Variants in SEC14L1 observed in about 807,000 individuals in gnomAD.
The protein encoded by SEC14L1 is SEC14 like lipid binding 1.
A neutral mutation model predicts 85.3 loss-of-function variants in SEC14L1; 48 were observed. That is an observed-to-expected ratio of 0.56 (90% CI 0.45 to 0.72). The LOEUF (loss-of-function observed/expected upper bound fraction) is 0.72, where lower values mean the gene tolerates loss of function less well. SEC14L1 is among the 30% of genes least tolerant of loss of function. The pLI is 0.00. For synonymous variants in SEC14L1, 391 were observed against 355.5 expected, an observed-to-expected ratio of 1.10 and a Z score of -1.12; for missense variants, 682 against 921.4, an observed-to-expected ratio of 0.74 and a Z score of 3.36.
At chr17:77,153,621 C>T (rs547200641) in intron 3 of SEC14L1, among the ~76,000 whole-genome samples, 3 of 152,220 alleles carry the variant, frequency 2.0e-5, no homozygotes, top group Admixed American at 2.0e-4. Flanking sequence ...TTATTGGCAG[C>T]GTTTCTATGT....
rs1401587750 is a variant in SEC14L1 at position 77,093,243 on chromosome 17, G to C, written c.-239-1G>C. ...ACTGATGCATATACTTTTCTTTGCA[G>C]GTCAGTTTCTGGAAGACTTGTGTGT... On this transcript the variant is annotated splice_acceptor_variant, in intron 2 of 19. Coordinates refer to the SEC14L1 transcript ENST00000392476. LOFTEE classifies it low-confidence loss of function (5UTR_SPLICE). The C allele has an allele frequency of 6.6e-6, 1 of 152,234 alleles. No homozygotes were observed. Among genetic ancestry groups the C allele is most frequent in the Non-Finnish European group, 1.5e-5 (1 of 68,044 alleles). 9.4% of individuals were successfully genotyped at this position (152,234 alleles called of 1,614,324 possible).
intron 3 of SEC14L1, among the ~76,000 whole-genome samples, chr17:77,120,638 A>G (rs1598249014): frequency 2.6e-5 from 4 of 152,080 alleles, no homozygotes; most frequent in Admixed American, 2.0e-4. Flanking sequence ...CACCACGCCC[A>G]GCTAATTTTT....
chr17:77,139,632 G>A (rs973833588), upstream of SEC14L1, among the ~76,000 whole-genome samples: 2 of 151,802 alleles, frequency 1.3e-5, no homozygotes, highest in Admixed American at 6.6e-5. Flanking sequence ...CAAGTAGCTG[G>A]GACTACAGGC....
At chr17:77,100,562 G>C (rs575015) in intron 3 of SEC14L1, among the ~76,000 whole-genome samples, 1 of 150,212 alleles carries the variant, frequency 6.7e-6, no homozygotes, top group South Asian at 2.1e-4. Context: ...TCAGCCTCCA[G>C]AGTAGCTGGG....
Position 77,206,453 on chromosome 17 carries a change from C to T in SEC14L1, c.1341+53C>T, listed in dbSNP as rs988103201. 9 of 1,573,166 alleles carry T rather than the reference C, an allele frequency of 5.7e-6. No individual in the cohort carries two copies. Among genetic ancestry groups the T allele is most frequent in the African/African-American group, 1.4e-5 (1 of 73,922 alleles). On this transcript the variant is annotated intron_variant, in intron 12 of 16. Coordinates refer to ENST00000436233, the MANE Select transcript of SEC14L1 (RefSeq NM_001143998.2). This position sits in a 1 kb window ranked among gnomAD's most constrained non-coding sequence, Gnocchi z 4.3. ...TGTGAGCCATTTGGAAAGCAGATAACATGCATTCATATACACGTGTCTGTG... is the reference window on the plus strand; with the variant it reads ...TGTGAGCCATTTGGAAAGCAGATAATATGCATTCATATACACGTGTCTGTG...
At chr17:77,186,793 T>C (rs1286583472) in intron 3 of SEC14L1, among the ~76,000 whole-genome samples, 1 of 152,208 alleles carries the variant, frequency 6.6e-6, no homozygotes, top group African/African-American at 2.4e-5. Flanking sequence ...ATCAGGGAAT[T>C]GCTGCCAGAA....
chr17:77,091,898 G>A (rs145884961), intron 2 of SEC14L1, among the ~76,000 whole-genome samples: 3,131 of 151,330 alleles, frequency 0.021, 52 homozygotes, highest in Non-Finnish European at 0.028. Context: ...TGCAACCTCC[G>A]CCTCCCGGGT....
At chr17:77,130,881 C>T (rs1235297619) in intron 3 of SEC14L1, among the ~76,000 whole-genome samples, 1 of 152,180 alleles carries the variant, frequency 6.6e-6, no homozygotes, top group African/African-American at 2.4e-5. Context: ...GCTGGGTTTA[C>T]AGACTGCCTA....
In SEC14L1 at chr17:77,203,649, G is replaced by A. The variant is rs997605816; in HGVS notation, c.1089G>A (p.Leu363=). 6.2e-7 allele frequency: 1 copy of A among 1,612,928 alleles called. No individual in the cohort carries two copies. Among genetic ancestry groups the A allele is most frequent in the Non-Finnish European group, 8.5e-7 (1 of 1,179,626 alleles). ...TGAGAGCGCTCGGGGAGGAAGCCCT[G>A]CTGAGATACGTAAGTGCGCGGCTGC... is the stretch of plus-strand genomic sequence containing the variant. ...GLVRALGEEA[L]LRYVLSINEE... Residue 363 remains leucine (L), a synonymous_variant, in exon 10 of 17, where the codon CTG becomes CTA. Coordinates refer to ENST00000436233, the MANE Select transcript of SEC14L1 (RefSeq NM_001143998.2).
At chr17:77,127,260 GT>G (rs1338335433) in intron 3 of SEC14L1, among the ~76,000 whole-genome samples, 1 of 152,092 alleles carries the variant, frequency 6.6e-6, no homozygotes, top group African/African-American at 2.4e-5. Flanking sequence ...TCCTGGGTTA[GT>G]TTTCTGAGGA....
chr17:77,168,183 A>C (rs937476565), intron 3 of SEC14L1, among the ~76,000 whole-genome samples: 1 of 152,210 alleles, frequency 6.6e-6, no homozygotes, highest in Non-Finnish European at 1.5e-5. Context: ...GCTAGAAACA[A>C]GGGAGTATAA....
chr17:77,117,773 A>G (rs1018910565), intron 3 of SEC14L1, among the ~76,000 whole-genome samples: 2 of 152,182 alleles, frequency 1.3e-5, no homozygotes, highest in South Asian at 2.1e-4. Context: ...CTCCCTGAAT[A>G]TTATCTCCTG....
At chr17:77,194,372 T>G (rs1452331043) in intron 6 of SEC14L1, among the ~76,000 whole-genome samples, 1 of 152,052 alleles carries the variant, frequency 6.6e-6, no homozygotes, top group Non-Finnish European at 1.5e-5. Flanking sequence ...CTGGACAACA[T>G]TGCGAAACCC....
rs931267589 is a variant in SEC14L1, at chr17:77,107,364, A to G, written c.-136+14017A>G. 4.6e-5 allele frequency among the ~76,000 whole-genome samples: 7 copies of G among 152,218 alleles called. 1 individual carries two copies. The highest frequency in any genetic ancestry group is 1.0e-4 in the Non-Finnish European group (7 of 68,048). Reference sequence around the variant, plus strand: ...TCAGGGACGATCACTTGCCAAGGTCACACAGCTATTGAGCGCTGGGTAGGA... The same window carrying G: ...TCAGGGACGATCACTTGCCAAGGTCGCACAGCTATTGAGCGCTGGGTAGGA... On this transcript the variant is annotated intron_variant, in intron 3 of 19. Transcript: ENST00000392476.
chr17:77,209,042 A>T (rs1443980237), intron 13 of SEC14L1, among the ~76,000 whole-genome samples: 2 of 152,198 alleles, frequency 1.3e-5, no homozygotes, highest in Non-Finnish European at 2.9e-5. Context: ...AATACCCCTA[A>T]TGCTTATATG....
chr17:77,156,744 G>A (rs966048300), intron 3 of SEC14L1, among the ~76,000 whole-genome samples: 1 of 151,920 alleles, frequency 6.6e-6, no homozygotes, highest in African/African-American at 2.4e-5. Context: ...GAACATAGTC[G>A]TTTGGTCGGC....
chr17:77,100,393 C>CTTT lies in SEC14L1; in HGVS notation c.-136+7057_-136+7059dup, dbSNP rs572735925. ...TTTCCCCTTCCTTGGCTGGCTTTTT[C>CTTT]TTTTTTTTTTTTTCTTTTCTTTCTC... On this transcript the variant is annotated intron_variant, in intron 3 of 19. Coordinates refer to the SEC14L1 transcript ENST00000392476. Among the ~76,000 whole-genome samples, 421 of 55,492 alleles carry CTTT rather than the reference C, an allele frequency of 7.6e-3. 1 individual carries two copies. Among genetic ancestry groups the CTTT allele is most frequent in the Middle Eastern group, 0.039 (3 of 76 alleles). 36.4% of individuals were successfully genotyped at this position (55,492 alleles called of 152,430 possible).
chr17:77,193,994 T>C (rs953530952), intron 6 of SEC14L1, among the ~76,000 whole-genome samples: 1 of 152,236 alleles, frequency 6.6e-6, no homozygotes, highest in African/African-American at 2.4e-5. Flanking sequence ...TTTTGAAATC[T>C]ATCCGTGTGG....
upstream of SEC14L1, among the ~76,000 whole-genome samples, chr17:77,137,329 C>A (rs1736651881): frequency 6.6e-6 from 1 of 152,108 alleles, no homozygotes; most frequent in Non-Finnish European, 1.5e-5. Flanking sequence ...CCTCAGGGAG[C>A]TTTTAGTCTT....
Sources: allele counts gnomAD v4.1 joint callset (sites outside exome capture counted in the v4.1 genomes callset), GRCh38; gene constraint gnomAD v4.1.1; non-coding constraint Gnocchi (gnomAD v3.1); transcripts MANE v1.5; gene names NCBI Gene and HGNC (gene_info 2026-07-23, HGNC 2026-07-21).